DCC: variants seen among roughly 807,000 people sequenced by gnomAD.
DCC encodes DCC netrin 1 receptor, also known as netrin receptor DCC.
DCC carries 58 observed loss-of-function variants against 172.5 expected under a neutral mutation model. That is an observed-to-expected ratio of 0.34 (90% CI 0.27 to 0.42). The LOEUF is 0.42. Among genes scored for constraint, DCC ranks in the 10% least tolerant of loss-of-function variants. The pLI is 1.00. For missense variants in DCC, 1,740 were observed against 1,791.0 expected (o/e 0.97, Z 0.51); for synonymous variants, 709 against 644.5 (o/e 1.10, Z -1.52).
chr18:53,323,503 G>C (rs1038131728), intron 14 of DCC, among the ~76,000 whole-genome samples: 4 of 152,122 alleles, frequency 2.6e-5, no homozygotes, highest in Non-Finnish European at 5.9e-5. Flanking sequence ...AGAAACACTT[G>C]GTTCTTTTCT....
chr18:52,804,658 C>G (rs1598819743), intron 2 of DCC, among the ~76,000 whole-genome samples: 2 of 152,154 alleles, frequency 1.3e-5, no homozygotes, highest in South Asian at 4.1e-4. Context: ...CCTCCAACTC[C>G]CTGGTTCAAG....
intron 1 of DCC, among the ~76,000 whole-genome samples, chr18:52,355,459 G>T (rs1984320255): frequency 6.6e-6 from 1 of 152,096 alleles, no homozygotes; most frequent in South Asian, 2.1e-4. Context: ...TATGATTCAG[G>T]GTCCTCATTT....
At chr18:53,297,187 G>A (rs1426869155) in intron 12 of DCC, among the ~76,000 whole-genome samples, 4 of 152,154 alleles carry the variant, frequency 2.6e-5, no homozygotes, top group African/African-American at 9.7e-5. Context: ...GGAGAAAACA[G>A]AAAGCAGTGT....
chr18:52,752,139 C>T lies in DCC; in HGVS notation c.177C>T (p.Leu59=), dbSNP rs2037004808. 1.9e-6 allele frequency: 3 copies of T among 1,614,134 alleles called. No individual in the cohort carries two copies. Among genetic ancestry groups the T allele is most frequent in the Non-Finnish European group, 1.7e-6 (2 of 1,180,018 alleles). Residue 59 remains leucine, a synonymous_variant, in exon 2 of 29, where the codon CTC becomes CTT. Coordinates refer to ENST00000442544, the MANE Select transcript of DCC (RefSeq NM_005215.4). The part of the protein sequence containing the change: ...AVTMRGGNVL[L]DCSAESDRGV... ...CAATGCGGGGAGGAAATGTCCTCCT[C>T]GACTGCTCCGCGGAGTCCGACCGAG... is the stretch of plus-strand genomic sequence containing the variant.
chr18:53,050,458 G>A (rs143717582), intron 5 of DCC, among the ~76,000 whole-genome samples: 3 of 152,134 alleles, frequency 2.0e-5, no homozygotes, highest in Non-Finnish European at 2.9e-5. Context: ...TTTCAGCAGC[G>A]ATTTGTAATT....
chr18:53,178,841 G>A, intron 8 of DCC, 121 bp from the exon 9 acceptor site: 1 of 932,568 alleles, frequency 1.1e-6, no homozygotes, highest in Non-Finnish European at 1.7e-6. Flanking sequence ...ATGTCCCAGA[G>A]TCAACATTAG....
chr18:53,374,931 A>C (rs2058094424), intron 15 of DCC, among the ~76,000 whole-genome samples: 1 of 152,140 alleles, frequency 6.6e-6, no homozygotes, highest in African/African-American at 2.4e-5. Context: ...CCACCTTTGC[A>C]TTTCAAAGAG....
At chr18:52,859,679 G>C (rs1021364857) in intron 2 of DCC, among the ~76,000 whole-genome samples, 1 of 152,174 alleles carries the variant, frequency 6.6e-6, no homozygotes, top group Non-Finnish European at 1.5e-5. Flanking sequence ...CATCAATGCA[G>C]GTTTTCTCTA....
chr18:53,235,324 CT>C, intron 12 of DCC, among the ~76,000 whole-genome samples: 1 of 152,262 alleles, frequency 6.6e-6, no homozygotes, highest in Non-Finnish European at 1.5e-5. Context: ...CCATGGAAGC[CT>C]GTCTGCTGTC....
chr18:52,845,114 G>T (rs1332793653), intron 2 of DCC, among the ~76,000 whole-genome samples: 2 of 151,772 alleles, frequency 1.3e-5, no homozygotes, highest in African/African-American at 4.9e-5. Flanking sequence ...AGATCCCTTG[G>T]GAAAAGACAG....
Position 53,059,479 on chromosome 18 carries a change from G to A in DCC, c.986-3826G>A, listed in dbSNP as rs190617281. On this transcript the variant is annotated intron_variant, in intron 5 of 28. Transcript: ENST00000442544. ...TATTATTTAAAAGAAAGGCAGAAGA[G>A]CTTTAACCTAATTCCTAATCCAACC... 1.1e-4 allele frequency among the ~76,000 whole-genome samples: 16 copies of A among 152,152 alleles called. No individual in the cohort carries two copies. The East Asian group carries it at 2.9e-3, about 28-fold the overall frequency.
At chr18:53,507,969 C>T (rs921659453) in intron 27 of DCC, among the ~76,000 whole-genome samples, 2 of 147,862 alleles carry the variant, frequency 1.4e-5, no homozygotes, top group African/African-American at 2.6e-5. Flanking sequence ...TCTCTGCTCA[C>T]TGCAAGCTCT....
At chr18:53,342,527 A>G (rs1236759376) in intron 15 of DCC, among the ~76,000 whole-genome samples, 1 of 151,444 alleles carries the variant, frequency 6.6e-6, no homozygotes, top group East Asian at 1.9e-4. Flanking sequence ...TACATTGTGT[A>G]CATTAAAAGT....
intron 12 of DCC, among the ~76,000 whole-genome samples, chr18:53,303,590 A>T (rs1358056386): frequency 6.6e-6 from 1 of 152,170 alleles, no homozygotes; most frequent in Non-Finnish European, 1.5e-5. Flanking sequence ...CCCTTGCAGG[A>T]TATGTGACAC....
At chr18:52,662,761 T>C (rs549400520) in intron 1 of DCC, among the ~76,000 whole-genome samples, 2 of 152,218 alleles carry the variant, frequency 1.3e-5, no homozygotes, top group Non-Finnish European at 2.9e-5. Flanking sequence ...TATAACAAAA[T>C]AGCATAAACT....
chr18:53,253,356 T>C (rs1438639479), intron 12 of DCC, among the ~76,000 whole-genome samples: 2 of 152,020 alleles, frequency 1.3e-5, no homozygotes, highest in Non-Finnish European at 2.9e-5. Context: ...CCCTATGGGG[T>C]AGAAGTTGTT....
At chr18:52,772,987 A>C (rs1451899554) in intron 2 of DCC, among the ~76,000 whole-genome samples, 1 of 152,234 alleles carries the variant, frequency 6.6e-6, no homozygotes, top group Non-Finnish European at 1.5e-5. Flanking sequence ...CTATGGGCAT[A>C]GATCCTTGAT....
In DCC at chr18:53,530,857, T is replaced by C; in HGVS notation, c.*204T>C. ...GCATCAGGAATTGTCAAATGATGAT[T>C]ATGAGTTCCCTAAACAAAAGCAAAG... On this transcript the variant is annotated 3_prime_UTR_variant, in exon 29 of 29. Coordinates refer to ENST00000442544, the MANE Select transcript of DCC (RefSeq NM_005215.4). 1 of 635,996 alleles carries C rather than the reference T, an allele frequency of 1.6e-6. No homozygotes were observed. Among genetic ancestry groups the C allele is most frequent in the South Asian group, 1.8e-5 (1 of 56,196 alleles). The allele number at this position is 635,996 out of a possible 1,614,324, so 39.4% of individuals were successfully genotyped here. A position where few individuals can be genotyped will look rare whatever the true frequency, so the allele number is the denominator to read the frequency against.
chr18:53,380,176 GAGCAATTCTA>G (rs894149234), intron 15 of DCC, among the ~76,000 whole-genome samples: 115 of 152,106 alleles, frequency 7.6e-4, no homozygotes, highest in Non-Finnish European at 1.6e-4. Context: ...TCTGTAGAGG[GAGCAATTCTA>G]GGCAATTCTT....
Sources: allele counts gnomAD v4.1 joint callset (sites outside exome capture counted in the v4.1 genomes callset), GRCh38; gene constraint gnomAD v4.1.1; transcripts MANE v1.5; gene names NCBI Gene and HGNC (gene_info 2026-07-23, HGNC 2026-07-21).